Variants in SNRPA1 observed in about 807,000 individuals in gnomAD.
SNRPA1 encodes U2 small nuclear ribonucleoprotein A'.
Under a neutral mutation model 32.3 loss-of-function variants are expected in SNRPA1, and 5 were observed. That is an observed-to-expected ratio of 0.15 (90% CI 0.08 to 0.33). The LOEUF (loss-of-function observed/expected upper bound fraction) is 0.33, where lower values mean the gene tolerates loss of function less well. SNRPA1 is among the 10% of genes least tolerant of loss of function. The pLI is 1.00. For missense variants in SNRPA1, 198 were observed against 311.1 expected, an observed-to-expected ratio of 0.64 and a Z score of 2.74; for synonymous variants, 111 against 120.1, an observed-to-expected ratio of 0.92 and a Z score of 0.50.
chr15:101,283,632 T>C lies in SNRPA1; in HGVS notation c.709+1335A>G, dbSNP rs183468840. On this transcript the variant is annotated intron_variant, in intron 8 of 8. Transcript: ENST00000254193. ...TCCCAGAGGCCCACAAACCATACAG[T>C]AGAGAATTACTGGTCTTAAAAAATT... Among the ~76,000 whole-genome samples the C allele has an allele frequency of 1.6e-3, 235 of 151,194 alleles. 4 individuals are homozygous for C. The highest frequency in any genetic ancestry group is 0.012 in the East Asian group (59 of 5,012).
intron 7 of SNRPA1, 62 bp downstream of exon 7, chr15:101,285,664 C>T (rs976359558): frequency 5.6e-6 from 6 of 1,074,502 alleles, no homozygotes; most frequent in Non-Finnish European, 8.7e-6. Context: ...GTTTATTATC[C>T]AGCTTTGTGT....
In SNRPA1 at chr15:101,293,068, A is replaced by G; in HGVS notation, c.187T>C (p.Leu63=). 1 of 1,612,972 alleles carries G rather than the reference A, an allele frequency of 6.2e-7. No individual in the cohort carries two copies. The highest frequency in any genetic ancestry group is 8.5e-7 in the Non-Finnish European group (1 of 1,179,444). The change falls in exon 2 of 9, where the codon TTG becomes CTG. Residue 63 remains leucine, a synonymous_variant. Transcript: ENST00000254193. ...EIRKLDGFPL[L]RRLKTLLVNN... is the part of the protein sequence containing the mutation. ...ACTAACAATGTTTTCAGTCTTCTCA[A>G]CAAAGGAAAACCATCCAGTTTCCTG... is the stretch of plus-strand genomic sequence containing the variant.
chr15:101,287,680 G>A lies in SNRPA1; in HGVS notation c.332C>T (p.Ser111Phe). ...VELGDLDPLA[S>F]LKSLTYLSIL... is the part of the protein sequence containing the mutation. ...CCTTAGGTAAGTCAGCGATTTGAGAGATGCCAGAGGGTCCAGATCACCCTG... is the reference window on the plus strand; with the variant it reads ...CCTTAGGTAAGTCAGCGATTTGAGAAATGCCAGAGGGTCCAGATCACCCTG... Residue 111 changes from serine to phenylalanine, a missense_variant, in exon 4 of 9, where the codon TCT (serine) becomes TTT (phenylalanine). Transcript: ENST00000254193. The A allele has an allele frequency of 6.2e-7, 1 of 1,613,922 alleles. No individual in the cohort carries two copies. The highest frequency in any genetic ancestry group is 8.5e-7 in the Non-Finnish European group (1 of 1,179,814).
At chr15:101,291,158 G>C (rs117715463) in intron 3 of SNRPA1, among the ~76,000 whole-genome samples, 4,892 of 152,310 alleles carry the variant, frequency 0.032, 297 homozygotes, top group East Asian at 0.24. Flanking sequence ...TTGGATTACA[G>C]GCATGAGCTA....
chr15:101,282,779 A>G (rs1227946506), intron 8 of SNRPA1, among the ~76,000 whole-genome samples: 2 of 152,228 alleles, frequency 1.3e-5, no homozygotes, highest in African/African-American at 2.4e-5. Context: ...AGTTCCCCAG[A>G]AAAGTCTTAA....
At chr15:101,292,988 C>G (rs762291640) in intron 2 of SNRPA1, 37 bp downstream of exon 2, 12 of 1,503,092 alleles carry the variant, frequency 8.0e-6, no homozygotes, top group Admixed American at 1.9e-5. Flanking sequence ...AACATTTACT[C>G]TAGGGGAAAA....
intron 6 of SNRPA1, 149 bp from the exon 7 acceptor site, chr15:101,285,950 C>G (rs1018621881): frequency 7.7e-6 from 5 of 649,898 alleles, no homozygotes; most frequent in Non-Finnish European, 1.3e-5. Flanking sequence ...TTCAGAAACA[C>G]CATCCAGTTC....
At chr15:101,282,898 TTCA>T (rs2039412792) in intron 8 of SNRPA1, among the ~76,000 whole-genome samples, 1 of 152,190 alleles carries the variant, frequency 6.6e-6, no homozygotes, top group South Asian at 2.1e-4. Flanking sequence ...ACAGGCTCAC[TTCA>T]TCATGTTTGA....
chr15:101,288,207 T>C (rs2039476691), intron 3 of SNRPA1: 1 of 154,820 alleles, frequency 6.5e-6, no homozygotes, highest in Non-Finnish European at 1.4e-5. Context: ...ATAGTATAGC[T>C]TAAAAATGAT....
chr15:101,293,810 G>C (rs775646824), intron 1 of SNRPA1, among the ~76,000 whole-genome samples: 2 of 152,128 alleles, frequency 1.3e-5, no homozygotes, highest in Non-Finnish European at 2.9e-5. Flanking sequence ...GAAGAAGCAA[G>C]GTCTACTAAA....
At chr15:101,291,355 T>C (rs2039524043) in intron 3 of SNRPA1, among the ~76,000 whole-genome samples, 1 of 152,238 alleles carries the variant, frequency 6.6e-6, no homozygotes, top group Non-Finnish European at 1.5e-5. Flanking sequence ...GTTTCTAGAC[T>C]GGAACTGTTC....
rs1038772685 is a variant in SNRPA1, at chr15:101,286,080, C to G, written c.539+134G>C. 9 of 738,736 alleles carry G rather than the reference C, an allele frequency of 1.2e-5. No homozygotes were observed. In the African/African-American group the frequency reaches 1.4e-4, roughly 12 times the overall value. 45.8% of individuals were successfully genotyped at this position (738,736 alleles called of 1,614,324 possible). A position where few individuals can be genotyped will look rare whatever the true frequency, so the allele number is the denominator to read the frequency against. On this transcript the variant is annotated intron_variant, in intron 6 of 8. Coordinates refer to ENST00000254193, the MANE Select transcript of SNRPA1 (RefSeq NM_003090.4). ...TGTGTGGACCATTGATGTACATGGA[C>G]TATAAGCACTCAAATTTAATACCAC...
chr15:101,294,776 C>G (rs1241153351), intron 1 of SNRPA1: 1 of 334,784 alleles, frequency 3.0e-6, no homozygotes, highest in East Asian at 4.6e-5. Flanking sequence ...TAATGAGCCG[C>G]TCTTCCGGGC....
At chr15:101,285,141 T>C in intron 7 of SNRPA1, 81 bp from the exon 8 acceptor site, 1 of 952,978 alleles carries the variant, frequency 1.0e-6, no homozygotes, top group Non-Finnish European at 1.7e-6. Flanking sequence ...GTCAATCACC[T>C]ACAGAAATTC....
chr15:101,281,914 G>A, intron 8 of SNRPA1, 132 bp from the exon 9 acceptor site: 1 of 802,886 alleles, frequency 1.2e-6, no homozygotes, highest in Non-Finnish European at 2.1e-6. Flanking sequence ...AGCAGCACCT[G>A]CCTTTGAGGA....
Position 101,293,120 on chromosome 15 carries a change from A to T in SNRPA1, c.135T>A (p.Asp45Glu). ...ENLGATLDQF[D>E]AIDFSDNEIR... ...TCTCATTGTCAGAAAAATCAATAGC[A>T]TCAAACTGGTCTAACGTAGCACCTA... The change falls in exon 2 of 9, where the codon GAT becomes GAA. Residue 45 changes from aspartate (D) to glutamate (E), a missense_variant. By Grantham distance (45) the Asp-to-Glu change is conservative. Around this residue, in one of 3 missense-constraint regions of SNRPA1, gnomAD observed 119 missense variants for 171.6 expected, o/e 0.69. Coordinates refer to ENST00000254193, the MANE Select transcript of SNRPA1 (RefSeq NM_003090.4). The T allele has an allele frequency of 6.2e-7, 1 of 1,612,088 alleles. No homozygotes were observed. The highest frequency in any genetic ancestry group is 8.5e-7 in the Non-Finnish European group (1 of 1,178,438).
At chr15:101,294,972 C>G in intron 1 of SNRPA1, 125 bp downstream of exon 1, 3 of 558,096 alleles carry the variant, frequency 5.4e-6, no homozygotes, top group Non-Finnish European at 8.9e-6. Context: ...CCCTGCGCAG[C>G]CCGGTCGGAG....
At position 101,281,555 on chromosome 15, in the gene SNRPA1, T is replaced by C. The variant is rs2039394360; in HGVS notation, c.*169A>G. The C allele has an allele frequency of 5.1e-6, 3 of 586,898 alleles. No homozygotes were observed. The highest frequency in any genetic ancestry group is 2.2e-5 in the South Asian group (1 of 46,138). The allele number at this position is 586,898 out of a possible 1,614,324, so 36.4% of individuals were successfully genotyped here. ...GTTTATTTTTATAATTTGTAGAAAA[T>C]TGACATTTAGATTTCAAAACTTATA... is the stretch of plus-strand genomic sequence containing the variant. On this transcript the variant is annotated 3_prime_UTR_variant, in exon 9 of 9. Coordinates refer to ENST00000254193, the MANE Select transcript of SNRPA1 (RefSeq NM_003090.4).
intron 1 of SNRPA1, 100 bp downstream of exon 1, chr15:101,294,997 C>T (rs1467917131): frequency 1.3e-6 from 1 of 746,172 alleles, no homozygotes; most frequent in Non-Finnish European, 2.0e-6. Context: ...GACAACCGGC[C>T]CGCGGGCCAA....
Sources: gnomAD v4.1 joint callset for allele counts (sites outside exome capture counted in the v4.1 genomes callset) on GRCh38, gnomAD v4.1.1 for gene constraint, gnomAD v4.1.1 regional missense constraint, MANE v1.5 for transcripts, NCBI Gene and HGNC (gene_info 2026-07-23, HGNC 2026-07-21) for gene names.